TRABD2B: variants seen among roughly 807,000 people sequenced by gnomAD.
The protein encoded by TRABD2B is TraB domain containing 2B, also known as metalloprotease TIKI2.
A neutral mutation model predicts 40.1 loss-of-function variants in TRABD2B; 14 were observed. That is an observed-to-expected ratio of 0.35 (90% CI 0.23 to 0.55). TRABD2B has a LOEUF of 0.55. Ranked by LOEUF, TRABD2B falls within the 20% of genes least tolerant of loss-of-function variation. The pLI, the probability that TRABD2B is intolerant of heterozygous loss-of-function variation, is 0.90. For synonymous variants in TRABD2B, 263 were observed against 277.0 expected (o/e 0.95, Z 0.50); for missense variants, 541 against 648.6 (o/e 0.83, Z 1.80).
At chr1:47,990,536 G>T (rs889153643) in intron 2 of TRABD2B, among the ~76,000 whole-genome samples, 2 of 151,746 alleles carry the variant, frequency 1.3e-5, no homozygotes, top group Non-Finnish European at 2.9e-5. Context: ...AACTTCCCAT[G>T]CAGCCTTCCT....
chr1:47,831,850 C>T (rs903097713), intron 2 of TRABD2B, among the ~76,000 whole-genome samples: 5 of 152,144 alleles, frequency 3.3e-5, no homozygotes, highest in Admixed American at 2.6e-4. Context: ...TCCAGTATGT[C>T]GTCGCTCATC....
intron 2 of TRABD2B, among the ~76,000 whole-genome samples, chr1:47,843,795 G>C (rs996704097): frequency 1.3e-5 from 2 of 152,194 alleles, no homozygotes; most frequent in African/African-American, 4.8e-5. Flanking sequence ...GCTGACAACA[G>C]GACTCCCTTG....
chr1:47,986,827 C>A (rs1227288092), intron 2 of TRABD2B, among the ~76,000 whole-genome samples: 1 of 152,218 alleles, frequency 6.6e-6, no homozygotes, highest in Non-Finnish European at 1.5e-5. Flanking sequence ...GCCTGTGGAT[C>A]CTGGAGGAGC....
chr1:47,973,888 G>C (rs1353390558), intron 2 of TRABD2B, among the ~76,000 whole-genome samples: 1 of 152,164 alleles, frequency 6.6e-6, no homozygotes, highest in Non-Finnish European at 1.5e-5. Flanking sequence ...CCAATAGCTT[G>C]AGCTCCGGAG....
At chr1:47,987,875 C>T (rs1044731366) in intron 2 of TRABD2B, among the ~76,000 whole-genome samples, 1 of 152,220 alleles carries the variant, frequency 6.6e-6, no homozygotes, top group African/African-American at 2.4e-5. Flanking sequence ...AAGCCTGTTT[C>T]TCAGTCCAGG....
chr1:47,860,757 A>C (rs2124553869), intron 2 of TRABD2B, among the ~76,000 whole-genome samples: 1 of 152,268 alleles, frequency 6.6e-6, no homozygotes, highest in Non-Finnish European at 1.5e-5. Context: ...ATTCTACAGT[A>C]ATGAGTTCTT....
intron 3 of TRABD2B, among the ~76,000 whole-genome samples, chr1:47,801,007 A>AG (rs1388426260): frequency 6.6e-6 from 1 of 152,154 alleles, no homozygotes; most frequent in African/African-American, 2.4e-5. Context: ...GAGTCTGAGC[A>AG]GGGGTGAGCC....
intron 2 of TRABD2B, among the ~76,000 whole-genome samples, chr1:47,865,529 T>C (rs1225233642): frequency 6.6e-6 from 1 of 152,104 alleles, no homozygotes; most frequent in Non-Finnish European, 1.5e-5. Context: ...TTCATTTTTA[T>C]GGAAAATAAT....
chr1:47,990,981 C>G (rs1272410042), intron 2 of TRABD2B, among the ~76,000 whole-genome samples: 1 of 151,216 alleles, frequency 6.6e-6, no homozygotes, highest in Non-Finnish European at 1.5e-5. Context: ...AAGGAAATAT[C>G]TCTACAAGTA....
rs184410800 is a variant in TRABD2B at position 47,880,667 on chromosome 1, C to T, written c.667-79048G>A. 7.3e-4 allele frequency among the ~76,000 whole-genome samples: 111 copies of T among 152,258 alleles called. 1 individual carries two copies. Among genetic ancestry groups the T allele is most frequent in the African/African-American group, 2.5e-3 (102 of 41,554 alleles). On this transcript the variant is annotated intron_variant, in intron 2 of 6. Transcript: ENST00000606738. Reference sequence around the variant, plus strand: ...GTGCACAGGTTCTCCTCTGCCCCTCCGTGTTCTAGGTCTTACCTGGGGAGA... The same window carrying T: ...GTGCACAGGTTCTCCTCTGCCCCTCTGTGTTCTAGGTCTTACCTGGGGAGA...
chr1:47,784,897 G>T (rs1282450906), intron 4 of TRABD2B, among the ~76,000 whole-genome samples: 1 of 152,218 alleles, frequency 6.6e-6, no homozygotes, highest in Non-Finnish European at 1.5e-5. Context: ...CCCCTGAGGA[G>T]GTCACGGTAT....
chr1:47,848,764 C>T (rs1436907437), intron 2 of TRABD2B, among the ~76,000 whole-genome samples: 1 of 152,222 alleles, frequency 6.6e-6, no homozygotes, highest in Non-Finnish European at 1.5e-5. Context: ...ACTTGCTCCA[C>T]AGCAAAGGAA....
intron 1 of TRABD2B, among the ~76,000 whole-genome samples, chr1:47,995,702 A>G (rs1646079850): frequency 6.6e-6 from 1 of 152,234 alleles, no homozygotes; most frequent in Non-Finnish European, 1.5e-5. Flanking sequence ...TGATTCTGGC[A>G]CAAATGAAAA....
chr1:47,974,575 C>T (rs1470691344), intron 2 of TRABD2B, among the ~76,000 whole-genome samples: 3 of 152,192 alleles, frequency 2.0e-5, no homozygotes, highest in Non-Finnish European at 4.4e-5. Flanking sequence ...AATAAAAGTT[C>T]CATGCAGGAA....
chr1:47,838,682 A>G (rs1467530204), intron 2 of TRABD2B, among the ~76,000 whole-genome samples: 2 of 152,226 alleles, frequency 1.3e-5, no homozygotes, highest in African/African-American at 4.8e-5. Context: ...TGTAAACCAC[A>G]AATGGTCAGT....
chr1:47,883,840 G>T (rs957327730), intron 2 of TRABD2B, among the ~76,000 whole-genome samples: 1 of 152,178 alleles, frequency 6.6e-6, no homozygotes, highest in African/African-American at 2.4e-5. Flanking sequence ...GCTCATTTTA[G>T]TGAAAGTAAA....
chr1:47,920,103 G>A (rs36056312), intron 2 of TRABD2B, among the ~76,000 whole-genome samples: 3,568 of 152,312 alleles, frequency 0.023, 106 homozygotes, highest in Admixed American at 0.09. Flanking sequence ...ATAGTAAGAT[G>A]AGACTCATTA....
intron 2 of TRABD2B, among the ~76,000 whole-genome samples, chr1:47,869,844 C>T (rs571183975): frequency 9.2e-5 from 14 of 152,196 alleles, no homozygotes; most frequent in Non-Finnish European, 1.2e-4. Flanking sequence ...TTGGAAGCCA[C>T]GGAGGCAGCT....
At chr1:47,859,029 C>A (rs1215824476) in intron 2 of TRABD2B, among the ~76,000 whole-genome samples, 2 of 152,164 alleles carry the variant, frequency 1.3e-5, no homozygotes, top group South Asian at 2.1e-4. Flanking sequence ...GGTCTTTGAG[C>A]CTGCTTAGGG....
Sources: allele counts gnomAD v4.1 joint callset (sites outside exome capture counted in the v4.1 genomes callset), GRCh38; gene constraint gnomAD v4.1.1; transcripts MANE v1.5; gene names NCBI Gene and HGNC (gene_info 2026-07-23, HGNC 2026-07-21).